ZMIZ1: variants seen among roughly 807,000 people sequenced by gnomAD.
ZMIZ1 encodes the protein zinc finger MIZ-type containing 1, also known as zinc finger MIZ domain-containing protein 1.
A neutral mutation model predicts 113.9 loss-of-function variants in ZMIZ1; 17 were observed. The ratio of observed to expected loss-of-function variants is 0.15; its 90% CI spans 0.10 to 0.22. The LOEUF is 0.22. Among genes scored for constraint, ZMIZ1 ranks in the 10% least tolerant of loss-of-function variants. The pLI is 1.00. For synonymous variants in ZMIZ1, 607 were observed against 603.1 expected (o/e 1.01, Z -0.09); for missense variants, 1,059 against 1,477.8 (o/e 0.72, Z 4.65).
chr10:79,235,420 A>G (rs1402703143), intron 7 of ZMIZ1, among the ~76,000 whole-genome samples: 1 of 152,080 alleles, frequency 6.6e-6, no homozygotes, highest in East Asian at 1.9e-4. Context: ...CTTGCTTCTC[A>G]ACCACCTCTC....
chr10:79,271,573 G>T (rs1489462277), intron 7 of ZMIZ1, among the ~76,000 whole-genome samples: 11 of 152,132 alleles, frequency 7.2e-5, no homozygotes, highest in African/African-American at 2.4e-5. Context: ...AGGGTCCTTG[G>T]CCCTCCGCCC....
chr10:79,110,424 A>G (rs1445469166), intron 1 of ZMIZ1, among the ~76,000 whole-genome samples: 2 of 152,202 alleles, frequency 1.3e-5, no homozygotes, highest in African/African-American at 4.8e-5. Context: ...ATGAGGTTTA[A>G]TCTGTGTTTC....
At chr10:79,309,290 A>C (rs914230945) in intron 23 of ZMIZ1, among the ~76,000 whole-genome samples, 6 of 152,152 alleles carry the variant, frequency 3.9e-5, no homozygotes, top group Non-Finnish European at 7.3e-5. Flanking sequence ...CCAGATACGA[A>C]GCTGAGGGGC....
chr10:79,256,690 G>A (rs1225606777), intron 7 of ZMIZ1, among the ~76,000 whole-genome samples: 1 of 152,206 alleles, frequency 6.6e-6, no homozygotes, highest in South Asian at 2.1e-4. Context: ...TTTCCACAGG[G>A]GGCATGTCTT....
intron 7 of ZMIZ1, among the ~76,000 whole-genome samples, chr10:79,274,626 GCGTGGC>G (rs76370547): frequency 0.32 from 48,028 of 151,836 alleles, 8,005 homozygotes; most frequent in East Asian, 0.44. Context: ...GCGGCTGCCA[GCGTGGC>G]CTCTGTGCTC....
Position 79,296,922 on chromosome 10 carries a change from A to C in ZMIZ1, c.1413+269A>C. On this transcript the variant is annotated intron_variant, in intron 13 of 24. Transcript: ENST00000334512. This position sits in a 1 kb window ranked among gnomAD's most constrained non-coding sequence, Gnocchi z 4.1. ...CACGGCACTCACAAAATAATAAAGGAAATATATTTTATTAAAAAAACACAC... is the reference window on the plus strand; with the variant it reads ...CACGGCACTCACAAAATAATAAAGGCAATATATTTTATTAAAAAAACACAC... 2.8e-6 allele frequency: 1 copy of C among 352,878 alleles called. No individual in the cohort carries two copies. 21.9% of individuals were successfully genotyped at this position (352,878 alleles called of 1,614,324 possible).
In ZMIZ1 at chr10:79,262,537, T is replaced by C. The variant is rs531609603; in HGVS notation, c.281-14644T>C. 3.3e-5 allele frequency among the ~76,000 whole-genome samples: 5 copies of C among 152,346 alleles called. No individual in the cohort carries two copies. The South Asian group carries it at 6.2e-4, about 19-fold the overall frequency. On this transcript the variant is annotated intron_variant, in intron 7 of 24. Coordinates refer to ENST00000334512, the MANE Select transcript of ZMIZ1 (RefSeq NM_020338.4). The stretch of plus-strand genomic sequence containing the variant: ...GCATTCTTATAAACCATTTTGATTT[T>C]CATTGCAACAAGGCAACTGGATATT...
chr10:79,079,340 A>G (rs764247020), intron 1 of ZMIZ1, among the ~76,000 whole-genome samples: 3 of 152,160 alleles, frequency 2.0e-5, no homozygotes, highest in Non-Finnish European at 4.4e-5. Flanking sequence ...ACTTTCCTGG[A>G]GAGGTGGTCT....
intron 4 of ZMIZ1, among the ~76,000 whole-genome samples, chr10:79,194,853 C>T (rs1273849840): frequency 6.6e-6 from 1 of 152,208 alleles, no homozygotes; most frequent in Non-Finnish European, 1.5e-5. Context: ...GCATAGACAC[C>T]CTCGCTCTGC....
chr10:79,213,159 T>C (rs777147075), intron 6 of ZMIZ1, among the ~76,000 whole-genome samples: 10 of 152,162 alleles, frequency 6.6e-5, no homozygotes, highest in Non-Finnish European at 1.0e-4. Context: ...TTGCACCCTA[T>C]AGGACCTTCA....
At chr10:79,153,265 C>T (rs2132459902) in intron 3 of ZMIZ1, among the ~76,000 whole-genome samples, 1 of 152,378 alleles carries the variant, frequency 6.6e-6, no homozygotes, top group South Asian at 2.1e-4. Context: ...GGACCCTCCT[C>T]CTTGTAGTCC....
chr10:79,249,096 A>G (rs901499772), intron 7 of ZMIZ1, among the ~76,000 whole-genome samples: 8 of 152,176 alleles, frequency 5.3e-5, no homozygotes, highest in African/African-American at 1.9e-4. Flanking sequence ...AATGGGGGGC[A>G]TGTTTCAGAG....
At chr10:79,219,776 C>T (rs1385001157) in intron 7 of ZMIZ1, among the ~76,000 whole-genome samples, 2 of 152,204 alleles carry the variant, frequency 1.3e-5, no homozygotes, top group African/African-American at 4.8e-5. Flanking sequence ...CATTCTGCAG[C>T]TGAGAACACT....
At chr10:79,190,079 G>T (rs1023718314) in intron 4 of ZMIZ1, among the ~76,000 whole-genome samples, 5 of 152,208 alleles carry the variant, frequency 3.3e-5, no homozygotes, top group Admixed American at 1.3e-4. Context: ...ATCTCCATAG[G>T]GAGCTGTGGG....
At chr10:79,104,384 C>T (rs895376385) in intron 1 of ZMIZ1, among the ~76,000 whole-genome samples, 1 of 152,150 alleles carries the variant, frequency 6.6e-6, no homozygotes, top group African/African-American at 2.4e-5. Flanking sequence ...GTGGGAACAC[C>T]AGGCTGCCTG....
chr10:79,242,728 C>T (rs1304234027), intron 7 of ZMIZ1, among the ~76,000 whole-genome samples: 1 of 151,960 alleles, frequency 6.6e-6, no homozygotes, highest in African/African-American at 2.4e-5. Context: ...GACAGCGCTC[C>T]GGGAGCCCCA....
chr10:79,257,588 T>A (rs1456389384), intron 7 of ZMIZ1, among the ~76,000 whole-genome samples: 2 of 152,170 alleles, frequency 1.3e-5, no homozygotes, highest in Admixed American at 1.3e-4. Context: ...AGGTGACTGA[T>A]CTGGAAGAGA....
intron 7 of ZMIZ1, among the ~76,000 whole-genome samples, chr10:79,222,706 C>A (rs1286193436): frequency 6.6e-6 from 1 of 152,076 alleles, no homozygotes; most frequent in Non-Finnish European, 1.5e-5. Flanking sequence ...GGCCTGTGGT[C>A]CATGGAGAGA....
chr10:79,233,462 C>T (rs929800708), intron 7 of ZMIZ1, among the ~76,000 whole-genome samples: 2 of 152,238 alleles, frequency 1.3e-5, no homozygotes, highest in African/African-American at 4.8e-5. Context: ...AAAGAGCGCC[C>T]TCAAGCCTCT....
Sources: allele counts gnomAD v4.1 joint callset (sites outside exome capture counted in the v4.1 genomes callset), GRCh38; gene constraint gnomAD v4.1.1; non-coding constraint Gnocchi (gnomAD v3.1); transcripts MANE v1.5; gene names NCBI Gene and HGNC (gene_info 2026-07-23, HGNC 2026-07-21).